The following PRR11 variants were observed in gnomAD, a reference collection of about 807,000 sequenced individuals.
The protein encoded by PRR11 is proline rich 11, also known as proline-rich protein 11.
Under a neutral mutation model 45.6 loss-of-function variants are expected in PRR11, and 30 were observed. That is an observed-to-expected ratio of 0.66 (90% CI 0.49 to 0.89). The LOEUF (loss-of-function observed/expected upper bound fraction) is 0.89. PRR11 is among the 40% of genes least tolerant of loss of function. PRR11 has a pLI of 0.00. For missense variants in PRR11, 373 were observed against 424.8 expected (o/e 0.88, Z 1.07); for synonymous variants, 128 against 153.5 (o/e 0.83, Z 1.23).
At chr17:59,193,219 A>G (rs1478224157) in intron 4 of PRR11, among the ~76,000 whole-genome samples, 1 of 152,114 alleles carries the variant, frequency 6.6e-6, no homozygotes, top group Non-Finnish European at 1.5e-5. Context: ...CCTTCTGTGC[A>G]TGTTTAATGT....
intron 9 of PRR11, among the ~76,000 whole-genome samples, chr17:59,199,814 T>A (rs1158635493): frequency 6.6e-6 from 1 of 152,208 alleles, no homozygotes; most frequent in Admixed American, 6.5e-5. Context: ...ATCAACTTGG[T>A]CCTACTGGGC....
At chr17:59,200,162 T>C (rs1366803383) in intron 9 of PRR11, among the ~76,000 whole-genome samples, 4 of 152,188 alleles carry the variant, frequency 2.6e-5, no homozygotes, top group Non-Finnish European at 2.9e-5. Flanking sequence ...GAGGAGGATG[T>C]CTAGTTAAAA....
chr17:59,174,765 A>T (rs1206018355), intron 2 of PRR11, among the ~76,000 whole-genome samples: 1 of 152,140 alleles, frequency 6.6e-6, no homozygotes, highest in Non-Finnish European at 1.5e-5. Context: ...CAGGCCTCAC[A>T]GTCCCTGGAG....
chr17:59,181,555 G>A lies in PRR11; in HGVS notation c.129-3499G>A, dbSNP rs150672875. 291 of 1,239,634 alleles carry A rather than the reference G, an allele frequency of 2.3e-4. 8 individuals are homozygous for A. The African/African-American group carries it at 4.1e-3, about 17-fold the overall frequency. The allele number at this position is 1,239,634 out of a possible 1,614,324, so 76.8% of individuals were successfully genotyped here. A position where few individuals can be genotyped will look rare whatever the true frequency, so the allele number is the denominator to read the frequency against. On this transcript the variant is annotated intron_variant, in intron 2 of 9. Transcript: ENST00000262293. ...CTCATGGTGCTCAGGGAGCACGAATGACACTAGCCGTTGCTTCAGCTTCAG... is the reference window on the plus strand; with the variant it reads ...CTCATGGTGCTCAGGGAGCACGAATAACACTAGCCGTTGCTTCAGCTTCAG...
chr17:59,187,190 C>T (rs1033531259), intron 4 of PRR11, among the ~76,000 whole-genome samples: 15 of 151,948 alleles, frequency 9.9e-5, no homozygotes, highest in African/African-American at 3.6e-4. Context: ...GCCTGGGTGA[C>T]AGAGCTAGAC....
At position 59,195,354 on chromosome 17, in the gene PRR11, GAA is replaced by G. The variant is rs773962375; in HGVS notation, c.769_770del (p.Asn257SerfsTer7). ...AGCTTATACCATCGCCGAAAGCACGGAATCCACTAGTTACCGTCTCTGACTTG... is the reference window on the plus strand; with the variant it reads ...AGCTTATACCATCGCCGAAAGCACGGTCCACTAGTTACCGTCTCTGACTTG... ...RKLIPSPKAR[N>X]PLVTVSDLQH... On this transcript the variant is annotated frameshift_variant, in exon 7 of 10. Transcript: ENST00000262293. LOFTEE classifies it high-confidence loss of function. 4.3e-6 allele frequency: 7 copies of G among 1,613,608 alleles called. No homozygotes were observed. Among genetic ancestry groups the G allele is most frequent in the Non-Finnish European group, 5.9e-6 (7 of 1,179,770 alleles).
chr17:59,194,949 G>A, intron 6 of PRR11, 94 bp downstream of exon 6: 1 of 973,906 alleles, frequency 1.0e-6, no homozygotes. Flanking sequence ...CAAGGTGGGA[G>A]GATCACCTGA....
At position 59,205,697 on chromosome 17, in the gene PRR11, CAAA is replaced by C. The variant is rs1057003239; in HGVS notation, c.*4079_*4081del. Among the ~76,000 whole-genome samples the C allele has an allele frequency of 3.5e-5, 4 of 115,130 alleles. No homozygotes were observed. Among genetic ancestry groups the C allele is most frequent in the East Asian group, 4.8e-4 (2 of 4,162 alleles). The allele number at this position is 115,130 out of a possible 152,430, so 75.5% of individuals were successfully genotyped here. A position where few individuals can be genotyped will look rare whatever the true frequency, so the allele number is the denominator to read the frequency against. On this transcript the variant is annotated 3_prime_UTR_variant, in exon 10 of 10. Coordinates refer to ENST00000262293, the MANE Select transcript of PRR11 (RefSeq NM_018304.4). ...TTGAGCAACAAGAGCGAAACTGTCT[CAAA>C]AAAAAAAAAAAAGTATATGTTAAGT...
chr17:59,182,306 G>A (rs2046791759), intron 2 of PRR11, among the ~76,000 whole-genome samples: 4 of 150,928 alleles, frequency 2.7e-5, no homozygotes, highest in African/African-American at 7.3e-5. Context: ...GGGATTACAG[G>A]TGTGAGCCAC....
intron 4 of PRR11, among the ~76,000 whole-genome samples, chr17:59,190,821 T>C (rs1163184150): frequency 2.0e-5 from 3 of 152,236 alleles, no homozygotes; most frequent in African/African-American, 7.2e-5. Context: ...CAAGAGAACT[T>C]GGCCTGGGTT....
At chr17:59,180,519 G>GTTTTTTTTGTTTTTTTTGT (rs1555716465) in intron 2 of PRR11, among the ~76,000 whole-genome samples, 7 of 122,944 alleles carry the variant, frequency 5.7e-5, no homozygotes, top group East Asian at 2.2e-4. Flanking sequence ...TGTTTTTTTT[G>GTTTTTTTTGTTTTTTTTGT]TTTTTTTTGC....
At chr17:59,167,118 C>T (rs896137776) in intron 1 of PRR11, among the ~76,000 whole-genome samples, 1 of 152,200 alleles carries the variant, frequency 6.6e-6, no homozygotes, top group Middle Eastern at 3.4e-3. Flanking sequence ...GAGCCAAGAT[C>T]GCGCCACTGC....
At chr17:59,181,608 C>T (rs568638366) in intron 2 of PRR11, 25 of 1,424,214 alleles carry the variant, frequency 1.8e-5, no homozygotes, top group African/African-American at 1.0e-4. Context: ...ACAGCATCTC[C>T]GCCACCCAGG....
In PRR11 at chr17:59,206,552, C is replaced by T. The variant is rs1249444381; in HGVS notation, c.*4921C>T. On this transcript the variant is annotated 3_prime_UTR_variant, in exon 10 of 10. Coordinates refer to ENST00000262293, the MANE Select transcript of PRR11 (RefSeq NM_018304.4). ...ATTTTATATTGTAACCATTTGAGAA[C>T]TCTGTAAGTGCTATGGCTTCCTTAA... Among the ~76,000 whole-genome samples the T allele has an allele frequency of 1.3e-5, 2 of 152,148 alleles. No homozygotes were observed. Among genetic ancestry groups the T allele is most frequent in the Non-Finnish European group, 2.9e-5 (2 of 68,050 alleles).
intron 7 of PRR11, among the ~76,000 whole-genome samples, chr17:59,195,914 TA>T (rs1004603264): frequency 2.0e-5 from 3 of 151,218 alleles, no homozygotes; most frequent in Admixed American, 6.6e-5. Context: ...GCCCCATCTC[TA>T]AAAAAAACTA....
At chr17:59,194,545 G>A (rs996977242) in intron 5 of PRR11, among the ~76,000 whole-genome samples, 8 of 152,120 alleles carry the variant, frequency 5.3e-5, no homozygotes, top group Admixed American at 5.2e-4. Flanking sequence ...AAACAAAATT[G>A]CGGGGTGGGG....
intron 2 of PRR11, among the ~76,000 whole-genome samples, chr17:59,170,536 A>G (rs185360141): frequency 6.4e-4 from 97 of 152,088 alleles, no homozygotes; most frequent in African/African-American, 2.3e-3. Context: ...AAAACAAACA[A>G]ACAAAACCTC....
chr17:59,204,340 G>A lies in PRR11; in HGVS notation c.*2709G>A, dbSNP rs545104539. The A allele has an allele frequency of 6.9e-6, 1 of 144,360 alleles. No homozygotes were observed. Among genetic ancestry groups the A allele is most frequent in the Admixed American group, 7.3e-5 (1 of 13,710 alleles). 8.9% of individuals were successfully genotyped at this position (144,360 alleles called of 1,614,324 possible). A position where few individuals can be genotyped will look rare whatever the true frequency, so the allele number is the denominator to read the frequency against. On this transcript the variant is annotated 3_prime_UTR_variant, in exon 10 of 10. Coordinates refer to ENST00000262293, the MANE Select transcript of PRR11 (RefSeq NM_018304.4). Reference sequence around the variant, plus strand: ...GGGCCCCGGAGGTAGAGGTTGCAGTGAGCTGAGATTGTGCCACTGTATTCC... The same window carrying A: ...GGGCCCCGGAGGTAGAGGTTGCAGTAAGCTGAGATTGTGCCACTGTATTCC...
intron 2 of PRR11, among the ~76,000 whole-genome samples, 162 bp downstream of exon 2, chr17:59,170,042 C>G (rs929554707): frequency 6.6e-6 from 1 of 152,100 alleles, no homozygotes; most frequent in Non-Finnish European, 1.5e-5. Flanking sequence ...TACCTGAGGT[C>G]AGGAGTTCAA....
Sources: allele counts gnomAD v4.1 joint callset (sites outside exome capture counted in the v4.1 genomes callset), GRCh38; gene constraint gnomAD v4.1.1; transcripts MANE v1.5; gene names NCBI Gene and HGNC (gene_info 2026-07-23, HGNC 2026-07-21).